AKR1C8: variants seen among roughly 807,000 people sequenced by gnomAD.
AKR1C8 encodes the protein aldo-keto reductase family 1 member C-like protein 1.
chr10:5,181,312 G>A, the AKR1C8 span, among the ~76,000 whole-genome samples: 2 of 152,006 alleles, frequency 1.3e-5, no homozygotes, highest in Admixed American at 6.5e-5. Context: ...GGTGAAATTC[G>A]ACTTTCTTTT....
At chr10:5,144,777 C>T in the AKR1C8 span, among the ~76,000 whole-genome samples, 8 of 152,024 alleles carry the variant, frequency 5.3e-5, no homozygotes, top group Admixed American at 3.3e-4. Flanking sequence ...TGGGCTGAGA[C>T]AATGGGGTTT....
At chr10:5,169,108 C>G in the AKR1C8 span, among the ~76,000 whole-genome samples, 375 of 152,262 alleles carry the variant, frequency 2.5e-3, 1 homozygote, top group African/African-American at 8.6e-3. Flanking sequence ...CCAAATAACA[C>G]CGCACCTCCC....
At chr10:5,120,478 T>G in the AKR1C8 span, among the ~76,000 whole-genome samples, 7 of 152,308 alleles carry the variant, frequency 4.6e-5, no homozygotes, top group East Asian at 1.3e-3. Context: ...TTATTTGTTT[T>G]CCTTTTCCCG....
chr10:5,174,408 A>G, the AKR1C8 span, among the ~76,000 whole-genome samples: 1 of 152,094 alleles, frequency 6.6e-6, no homozygotes, highest in Admixed American at 6.6e-5. Flanking sequence ...TGTCTTAAAA[A>G]GTATTGGTAA....
the AKR1C8 span, chr10:5,122,180 C>A: frequency 7.9e-6 from 3 of 379,296 alleles, no homozygotes; most frequent in Non-Finnish European, 5.4e-6. Flanking sequence ...GAAAGGCAGG[C>A]GATACTCACA....
At chr10:5,159,230 G>T in the AKR1C8 span, among the ~76,000 whole-genome samples, 1 of 152,098 alleles carries the variant, frequency 6.6e-6, no homozygotes, top group Non-Finnish European at 1.5e-5. Context: ...TCATAAATTC[G>T]CATGGCATTA....
At chr10:5,153,598 C>T in the AKR1C8 span, among the ~76,000 whole-genome samples, 9,291 of 152,186 alleles carry the variant, frequency 0.061, 342 homozygotes, top group Middle Eastern at 0.082. Flanking sequence ...CGTCAGGAAA[C>T]TTACAGTCAT....
the AKR1C8 span, among the ~76,000 whole-genome samples, chr10:5,169,531 C>G: frequency 1.3e-5 from 1 of 74,650 alleles, no homozygotes; most frequent in Non-Finnish European, 3.3e-5. Flanking sequence ...TTGGTTGAGA[C>G]AGAAGTAACA....
At chr10:5,173,352 C>G in the AKR1C8 span, among the ~76,000 whole-genome samples, 1 of 152,022 alleles carries the variant, frequency 6.6e-6, no homozygotes, top group Non-Finnish European at 1.5e-5. Context: ...CCAGTCACTT[C>G]CCAGAGAGGG....
At chr10:5,149,920 A>T in the AKR1C8 span, among the ~76,000 whole-genome samples, 1 of 152,110 alleles carries the variant, frequency 6.6e-6, no homozygotes, top group Non-Finnish European at 1.5e-5. Context: ...AGAATATTTT[A>T]CTCAGTCACT....
the AKR1C8 span, chr10:5,132,748 C>G: frequency 6.7e-7 from 1 of 1,482,752 alleles, no homozygotes; most frequent in Non-Finnish European, 9.3e-7. Flanking sequence ...TTTGTAACCT[C>G]CACAACTCTA....
the AKR1C8 span, among the ~76,000 whole-genome samples, chr10:5,149,195 T>C: frequency 6.6e-6 from 1 of 152,094 alleles, no homozygotes; most frequent in African/African-American, 2.4e-5. Context: ...TAGTAAGTAA[T>C]AAAAACTGAG....
chr10:5,154,459 T>C, the AKR1C8 span: 1 of 274,750 alleles, frequency 3.6e-6, no homozygotes, highest in South Asian at 3.9e-5. Flanking sequence ...TTTTCTTTTT[T>C]ACAATTTGTT....
At chr10:5,166,233 A>G in the AKR1C8 span, among the ~76,000 whole-genome samples, 2 of 152,104 alleles carry the variant, frequency 1.3e-5, no homozygotes, top group East Asian at 3.9e-4. Context: ...TATAGATTCA[A>G]TGCCATCCCC....
chr10:5,160,878 T>G, the AKR1C8 span: 1 of 471,158 alleles, frequency 2.1e-6, no homozygotes, highest in South Asian at 1.5e-5. Context: ...TTGGCAGTAA[T>G]TCTTTCCCAG....
chr10:5,150,394 ATAAT>A, the AKR1C8 span, among the ~76,000 whole-genome samples: 1 of 151,938 alleles, frequency 6.6e-6, no homozygotes, highest in Non-Finnish European at 1.5e-5. Flanking sequence ...AAAAATTATA[ATAAT>A]TAAGAATATA....
the AKR1C8 span, chr10:5,162,868 T>C: frequency 3.7e-6 from 2 of 534,196 alleles, no homozygotes; most frequent in African/African-American, 3.8e-5. Flanking sequence ...TGGTGTAGAA[T>C]ATTTCCTCTC....
chr10:5,161,423 G>A, the AKR1C8 span, among the ~76,000 whole-genome samples: 1 of 152,172 alleles, frequency 6.6e-6, no homozygotes, highest in South Asian at 2.1e-4. Context: ...ACCATCCCAG[G>A]TATCTCTCTT....
the AKR1C8 span, among the ~76,000 whole-genome samples, chr10:5,148,218 G>T: frequency 0.016 from 2,462 of 152,130 alleles, 61 homozygotes; most frequent in African/African-American, 0.055. Context: ...ATAGGAGATA[G>T]AGAGGAGGAG....
Sources: gnomAD v4.1 joint callset for allele counts (sites outside exome capture counted in the v4.1 genomes callset) on GRCh38, gnomAD v4.1.1 for gene constraint, MANE v1.5 for transcripts, NCBI Gene and HGNC (gene_info 2026-07-23, HGNC 2026-07-21) for gene names.